The following RFPL1 variants were observed in gnomAD, a reference collection of about 807,000 sequenced individuals.
RFPL1 encodes the protein ret finger protein like 1.
Under a neutral mutation model 9.6 loss-of-function variants are expected in RFPL1, and 6 were observed. The observed-to-expected ratio is 0.62, with a 90% CI of 0.34 to 1.23. RFPL1 has a LOEUF of 1.23. Ranked by LOEUF, RFPL1 falls within the 50% of genes most tolerant of loss-of-function variation. The pLI, the probability that RFPL1 is intolerant of heterozygous loss-of-function variation, is 0.03. For synonymous variants in RFPL1, 145 were observed against 149.4 expected (o/e 0.97, Z 0.22); for missense variants, 352 against 398.4 (o/e 0.88, Z 0.99).
the RFPL1 span, among the ~76,000 whole-genome samples, chr22:29,410,335 TAG>T: frequency 8.9e-4 from 87 of 97,818 alleles, 1 homozygote; most frequent in South Asian, 1.4e-3. Context: ...TGTAGATATA[TAG>T]ATCTATATAT....
upstream of RFPL1, chr22:29,434,942 C>T (rs1191881857): frequency 6.6e-6 from 1 of 152,208 alleles, no homozygotes; most frequent in East Asian, 1.9e-4. Flanking sequence ...CCAAGGCTTC[C>T]TATCTGTCCT....
chr22:29,434,068 T>C (rs1281273264), upstream of RFPL1, among the ~76,000 whole-genome samples: 1 of 152,072 alleles, frequency 6.6e-6, no homozygotes, highest in African/African-American at 2.4e-5. Context: ...CCCAGATTGG[T>C]CTCAAATTCC....
At chr22:29,407,119 G>C in the RFPL1 span, among the ~76,000 whole-genome samples, 51,932 of 148,360 alleles carry the variant, frequency 0.35, 10,380 homozygotes, top group East Asian at 0.56. Flanking sequence ...GTGTGTGTGA[G>C]AAAAGGTCTC....
upstream of RFPL1, chr22:29,434,415 AT>A (rs2146363140): frequency 6.4e-6 from 1 of 155,076 alleles, no homozygotes. Flanking sequence ...CTATTTGCTG[AT>A]TTACCTTTTT....
At chr22:29,437,706 G>A, upstream of RFPL1, 1 of 1,586,578 alleles carries the variant, frequency 6.3e-7, no homozygotes, top group Non-Finnish European at 8.5e-7. Flanking sequence ...GCAGCTGGAG[G>A]ACAGAGGAGC....
the RFPL1 span, among the ~76,000 whole-genome samples, chr22:29,421,234 T>C: frequency 6.6e-6 from 1 of 152,112 alleles, no homozygotes; most frequent in Non-Finnish European, 1.5e-5. Flanking sequence ...AACCCAGGCA[T>C]GTCTGTCCAC....
chr22:29,413,183 T>G, the RFPL1 span, among the ~76,000 whole-genome samples: 3 of 151,756 alleles, frequency 2.0e-5, no homozygotes, highest in Non-Finnish European at 4.4e-5. Flanking sequence ...TATATGTGCC[T>G]CTTCATGGTT....
the RFPL1 span, among the ~76,000 whole-genome samples, chr22:29,410,609 A>C: frequency 0.014 from 1,631 of 118,088 alleles, 35 homozygotes; most frequent in African/African-American, 0.056. Flanking sequence ...ATATATAGAT[A>C]TATCTATCTA....
At chr22:29,409,700 T>A in the RFPL1 span, among the ~76,000 whole-genome samples, 4 of 152,300 alleles carry the variant, frequency 2.6e-5, no homozygotes, top group East Asian at 7.7e-4. Context: ...GCCTTATTAA[T>A]GAAATGAAGA....
chr22:29,419,343 G>A, the RFPL1 span: 2 of 744,036 alleles, frequency 2.7e-6, no homozygotes, highest in East Asian at 4.9e-5. Context: ...AAAAGAACCG[G>A]AGGGAGGCAC....
At chr22:29,407,260 A>T in the RFPL1 span, among the ~76,000 whole-genome samples, 4 of 147,978 alleles carry the variant, frequency 2.7e-5, no homozygotes, top group African/African-American at 7.4e-5. Context: ...TACCAAGCTA[A>T]TTTTTTTTTT....
the RFPL1 span, among the ~76,000 whole-genome samples, chr22:29,428,016 A>G: frequency 6.6e-6 from 1 of 152,218 alleles, no homozygotes; most frequent in African/African-American, 2.4e-5. Flanking sequence ...TCTTACCACA[A>G]CCGGAGACAT....
chr22:29,414,324 A>G, the RFPL1 span, among the ~76,000 whole-genome samples: 2 of 152,208 alleles, frequency 1.3e-5, no homozygotes, highest in African/African-American at 2.4e-5. Flanking sequence ...AGAAATTACC[A>G]TAATACATGT....
the RFPL1 span, among the ~76,000 whole-genome samples, chr22:29,418,482 T>TTCTTCTTCG: frequency 3.3e-5 from 5 of 151,576 alleles, no homozygotes; most frequent in African/African-American, 1.2e-4. Context: ...AGATTTCCCA[T>TTCTTCTTCG]TCTTCTTCGT....
chr22:29,400,458 G>C, the RFPL1 span, among the ~76,000 whole-genome samples: 17 of 152,154 alleles, frequency 1.1e-4, no homozygotes, highest in Non-Finnish European at 2.4e-4. Context: ...CTCCCTTCTT[G>C]ATTTTGTATC....
exon 2 of RFPL1, chr22:29,442,403 G>A (rs1045883854): frequency 3.4e-5 from 9 of 267,514 alleles, no homozygotes; most frequent in Non-Finnish European, 5.6e-5. Context: ...ATTTCTGTAA[G>A]TTCAAATTAA....
At chr22:29,393,707 C>T in the RFPL1 span, among the ~76,000 whole-genome samples, 5 of 150,970 alleles carry the variant, frequency 3.3e-5, no homozygotes, top group Non-Finnish European at 7.4e-5. Flanking sequence ...AGAGAGAGGG[C>T]GCTGGCTTCC....
chr22:29,417,784 A>C, the RFPL1 span, among the ~76,000 whole-genome samples: 40,026 of 151,536 alleles, frequency 0.26, 7,172 homozygotes, highest in African/African-American at 0.49. Context: ...GAGATTTTAC[A>C]ATCTGGTGAG....
the RFPL1 span, among the ~76,000 whole-genome samples, chr22:29,410,340 C>CTA: frequency 7.3e-4 from 55 of 75,342 alleles, 1 homozygote; most frequent in African/African-American, 9.8e-4. Flanking sequence ...ATATATAGAT[C>CTA]TATATATAGA....
Sources: allele counts gnomAD v4.1 joint callset (sites outside exome capture counted in the v4.1 genomes callset), GRCh38; gene constraint gnomAD v4.1.1; transcripts MANE v1.5; gene names NCBI Gene and HGNC (gene_info 2026-07-23, HGNC 2026-07-21).